The following HDAC6 variants were observed in gnomAD, a reference collection of about 807,000 sequenced individuals.
The protein encoded by HDAC6 is histone deacetylase 6.
A neutral mutation model predicts 88.9 loss-of-function variants in HDAC6; 5 were observed. The ratio of observed to expected loss-of-function variants is 0.06; its 90% CI spans 0.03 to 0.12. The LOEUF is 0.12. Ranked by LOEUF, HDAC6 falls within the 10% of genes least tolerant of loss-of-function variation. HDAC6 has a pLI of 1.00. For missense variants in HDAC6, 706 were observed against 1,014.4 expected (o/e 0.70, Z 4.13); for synonymous variants, 378 against 398.0 (o/e 0.95, Z 0.60).
Position 48,815,989 on chromosome X carries a change from T to C in HDAC6, c.1430T>C (p.Leu477Pro), listed in dbSNP as rs781877739. Residue 477 changes from leucine to proline, a missense_variant, in exon 17 of 29, where the codon CTA (leucine) becomes CCA (proline). Transcript: ENST00000334136. ...PVLPILTWPVLQSRTGLVYDQ... is the reference protein window; with the variant it reads ...PVLPILTWPVPQSRTGLVYDQ... ...CTCCCAATCCTGACATGGCCAGTGCTACAGTCTCGCACAGGGCTGGTCTAT... is the reference window on the plus strand; with the variant it reads ...CTCCCAATCCTGACATGGCCAGTGCCACAGTCTCGCACAGGGCTGGTCTAT... 1.6e-5 allele frequency: 19 copies of C among 1,209,621 alleles called. No individual in the cohort carries two copies. In the South Asian group the frequency reaches 3.3e-4, roughly 21 times the overall value.
rs1220231492 is a variant in HDAC6 at position 48,824,681 on chromosome X, G to A, written c.*69G>A. 3.6e-5 allele frequency: 42 copies of A among 1,175,552 alleles called. No homozygotes were observed. In the Admixed American group the frequency reaches 9.0e-4, roughly 25 times the overall value. On this transcript the variant is annotated 3_prime_UTR_variant, in exon 29 of 29. Transcript: ENST00000334136. ...GACCAGCTGTAGCTCATTCCAGCCTGTACCTTGGATGAGGGGTAGCCTCCC... is the reference window on the plus strand; with the variant it reads ...GACCAGCTGTAGCTCATTCCAGCCTATACCTTGGATGAGGGGTAGCCTCCC...
rs782704923 is a variant in HDAC6 at position 48,816,561 on chromosome X, C to T, written c.1719C>T (p.Pro573=). ...SSNFDSIYIC[P]STFACAQLAT... ...ACTTTGACTCCATCTATATCTGCCC[C>T]AGTACCTTCGCCTGTGCACAGCTTG... is the stretch of plus-strand genomic sequence containing the variant. Residue 573 remains proline, a synonymous_variant, in exon 19 of 29, where the codon CCC becomes CCT. Coordinates refer to ENST00000334136, the MANE Select transcript of HDAC6 (RefSeq NM_006044.4). 1.2e-5 allele frequency: 15 copies of T among 1,211,181 alleles called. No individual in the cohort carries two copies. The highest frequency in any genetic ancestry group is 1.7e-5 in the Non-Finnish European group (15 of 895,076).
rs1396106858 is a variant in HDAC6, at chrX:48,822,733, G to C, written c.2451G>C (p.Leu817=). 1 of 1,208,599 alleles carries C rather than the reference G, an allele frequency of 8.3e-7. No individual in the cohort carries two copies. Among genetic ancestry groups the C allele is most frequent in the Non-Finnish European group, 1.1e-6 (1 of 894,362 alleles). ...CACGGCCCCCACTATCAGGGGCCCT[G>C]GCCTCAATCACTGAGACCATCCAAG... ...TLPRPPLSGA[L]ASITETIQVH... is the part of the protein sequence containing the mutation. Residue 817 remains leucine, a synonymous_variant, in exon 24 of 29, where the codon CTG becomes CTC. Coordinates refer to ENST00000334136, the MANE Select transcript of HDAC6 (RefSeq NM_006044.4).
At position 48,823,066 on chromosome X, in the gene HDAC6, A is replaced by G. The variant is rs145147896; in HGVS notation, c.2667A>G (p.Glu889=). 6.9e-4 allele frequency: 830 copies of G among 1,209,472 alleles called. 5 individuals are homozygous for G. Among genetic ancestry groups the G allele is most frequent in the Admixed American group, 6.8e-4 (31 of 45,729 alleles). The change falls in exon 25 of 29, where the codon GAA becomes GAG. Residue 889 remains glutamate (E), a synonymous_variant. Transcript: ENST00000334136. ...AAGTCACCTCGGCATCATTTGGGGA[A>G]GAGTCCACTCCAGGCCAGACTAACT... ...MGKVTSASFG[E]ESTPGQTNSE... is the part of the protein sequence containing the mutation.
chrX:48,809,386 G>C (rs2062864913), intron 10 of HDAC6, among the ~76,000 whole-genome samples: 1 of 111,479 alleles, frequency 9.0e-6, no homozygotes, highest in African/African-American at 3.3e-5. Context: ...TCACATTTCA[G>C]ATTTTTTCAG....
At chrX:48,812,009 C>CT (rs1446322157) in intron 10 of HDAC6, among the ~76,000 whole-genome samples, 1 of 112,315 alleles carries the variant, frequency 8.9e-6, no homozygotes, top group Non-Finnish European at 1.9e-5. Context: ...CATAAGTACA[C>CT]TTTTTTAGAA....
intron 10 of HDAC6, among the ~76,000 whole-genome samples, chrX:48,809,598 C>G (rs2062868481): frequency 1.8e-5 from 2 of 110,171 alleles, no homozygotes; most frequent in South Asian, 7.8e-4. Flanking sequence ...GTCAGGAGTT[C>G]AAGATCAGCT....
chrX:48,815,642 A>G lies in HDAC6; in HGVS notation c.1324A>G (p.Thr442Ala). The stretch of plus-strand genomic sequence containing the variant: ...CTTCTGGGAGGTTCTTGTGAGATCA[A>G]GTAGGAAGTGGGGTGTGGGCCTGGT... Reference protein sequence around the residue: ...EPFWEVLVRSTETVERDNMEE... With the variant: ...EPFWEVLVRSAETVERDNMEE... Residue 442 changes from threonine (T) to alanine (A), a missense_variant and splice_region_variant, in exon 16 of 29, where the codon ACT becomes GCT. By Grantham distance (58) the Thr-to-Ala change is moderately conservative. Coordinates refer to ENST00000334136, the MANE Select transcript of HDAC6 (RefSeq NM_006044.4). The G allele has an allele frequency of 8.3e-7, 1 of 1,205,504 alleles. No individual in the cohort carries two copies. The highest frequency in any genetic ancestry group is 3.0e-5 in the East Asian group (1 of 33,826).
chrX:48,813,556 G>C (rs1557026348), intron 10 of HDAC6: 2 of 112,269 alleles, frequency 1.8e-5, no homozygotes, highest in Admixed American at 9.4e-5. Flanking sequence ...TAAATGACCA[G>C]ATAGAAGGAT....
chrX:48,812,626 C>T (rs1557026129), intron 10 of HDAC6, among the ~76,000 whole-genome samples: 1 of 112,141 alleles, frequency 8.9e-6, no homozygotes, highest in Non-Finnish European at 1.9e-5. Flanking sequence ...CTCTTATTCT[C>T]TGACATCCTT....
Position 48,802,647 on chromosome X carries a change from C to CT in HDAC6, c.-30-15dup. 1.7e-6 allele frequency: 2 copies of CT among 1,176,540 alleles called. No homozygotes were observed. The highest frequency in any genetic ancestry group is 3.8e-5 in the South Asian group (2 of 53,277). ...CTAGCCCCCTCACATACCCACGCTC[C>CT]TCCCCCCACCCCCAGAACCGCGGCA... On this transcript the variant is annotated splice_polypyrimidine_tract_variant and intron_variant, in intron 1 of 28. Transcript: ENST00000334136.
In HDAC6 at chrX:48,806,625, C is replaced by T; in HGVS notation, c.551C>T (p.Ala184Val). Reference sequence around the variant, plus strand: ...TCTCTCCAGAACTCATACTCCTGTGCCTGCCTGGCCTCAGGCTCTGTCCTC... The same window carrying T: ...TCTCTCCAGAACTCATACTCCTGTGTCTGCCTGGCCTCAGGCTCTGTCCTC... ...VYLHPNSYSC[A>V]CLASGSVLRL... Residue 184 changes from alanine (A) to valine (V), a missense_variant, in exon 8 of 29, where the codon GCC (alanine) becomes GTC (valine). By Grantham distance (64) the Ala-to-Val change is moderately conservative. Transcript: ENST00000334136. 8.3e-7 allele frequency: 1 copy of T among 1,207,247 alleles called. No homozygotes were observed. Among genetic ancestry groups the T allele is most frequent in the Non-Finnish European group, 1.1e-6 (1 of 891,625 alleles).
rs962325847 is a variant in HDAC6 at position 48,823,543 on chromosome X, A to G, written c.3144A>G (p.Thr1048=). The change falls in exon 25 of 29, where the codon ACA becomes ACG. Residue 1048 remains threonine, a synonymous_variant. Coordinates refer to ENST00000334136, the MANE Select transcript of HDAC6 (RefSeq NM_006044.4). ...CTACACCCCAGATATCTCCCAGTAC[A>G]CTGATTGGGAGTCTCAGGACCTTGG... ...QGTTPQISPS[T]LIGSLRTLEL... The G allele has an allele frequency of 2.5e-6, 3 of 1,207,581 alleles. No individual in the cohort carries two copies. In the African/African-American group the frequency reaches 5.3e-5, roughly 21 times the overall value.
intron 10 of HDAC6, among the ~76,000 whole-genome samples, chrX:48,811,293 G>A (rs2062897688): frequency 8.9e-6 from 1 of 112,368 alleles, no homozygotes; most frequent in Admixed American, 9.4e-5. Context: ...GATAGAGGGA[G>A]ACCCTGTCTC....
In HDAC6 at chrX:48,823,438, A is replaced by G. The variant is rs146979948; in HGVS notation, c.3039A>G (p.Pro1013=). The change falls in exon 25 of 29, where the codon CCA becomes CCG. Residue 1013 remains proline, a synonymous_variant. Transcript: ENST00000334136. The stretch of plus-strand genomic sequence containing the variant: ...ACCAGACTACGTCAGAGGAGGCTCC[A>G]GGGGGCACCGAGCTGATCCAAACTC... ...TLDQTTSEEA[P]GGTELIQTPL... The G allele has an allele frequency of 1.2e-3, 1,464 of 1,209,164 alleles. No homozygotes were observed. The highest frequency in any genetic ancestry group is 1.5e-3 in the Non-Finnish European group (1,318 of 894,773).
At position 48,802,068 on chromosome X, in the gene HDAC6, G is replaced by A; in HGVS notation, c.-105G>A. 2.2e-6 allele frequency: 2 copies of A among 907,924 alleles called. No individual in the cohort carries two copies. Among genetic ancestry groups the A allele is most frequent in the Non-Finnish European group, 2.8e-6 (2 of 725,034 alleles). The allele number at this position is 907,924 out of a possible 1,213,427, so 74.8% of individuals were successfully genotyped here. The stretch of plus-strand genomic sequence containing the variant: ...CGGGTCTGGGCAGGGGGTGGAGCTG[G>A]TTGAAGGAACGGGGCAGTCCCCTGA... On this transcript the variant is annotated 5_prime_UTR_variant, in exon 1 of 29. Coordinates refer to ENST00000334136, the MANE Select transcript of HDAC6 (RefSeq NM_006044.4).
intron 23 of HDAC6, among the ~76,000 whole-genome samples, chrX:48,821,957 C>T (rs139655181): frequency 7.6e-4 from 85 of 112,085 alleles, no homozygotes; most frequent in African/African-American, 2.5e-3. Context: ...CATCAGAGAG[C>T]CCAAGTTCAA....
intron 1 of HDAC6, 199 bp from the exon 2 acceptor site, chrX:48,802,464 C>T: frequency 9.8e-7 from 1 of 1,022,860 alleles, no homozygotes. Flanking sequence ...TCTAGCGGGC[C>T]GGGCGGGGCC....
At chrX:48,801,879 C>A (rs1297954912), upstream of HDAC6, 1 of 971,288 alleles carries the variant, frequency 1.0e-6, no homozygotes, top group Non-Finnish European at 1.3e-6. Context: ...CACAGGTCGC[C>A]AGAAACTTGG....
Sources: allele counts gnomAD v4.1 joint callset (sites outside exome capture counted in the v4.1 genomes callset), GRCh38; gene constraint gnomAD v4.1.1; transcripts MANE v1.5; gene names NCBI Gene and HGNC (gene_info 2026-07-23, HGNC 2026-07-21).